DAB1: variants seen among roughly 807,000 people sequenced by gnomAD.
The protein encoded by DAB1 is disabled homolog 1.
A neutral mutation model predicts 64.6 loss-of-function variants in DAB1; 15 were observed. The observed-to-expected ratio is 0.23, with a 90% CI of 0.16 to 0.36. DAB1 has a LOEUF of 0.36. DAB1 is among the 10% of genes least tolerant of loss of function. DAB1 has a pLI of 1.00. For synonymous variants in DAB1, 235 were observed against 251.9 expected, an observed-to-expected ratio of 0.93 and a Z score of 0.64; for missense variants, 596 against 706.7, an observed-to-expected ratio of 0.84 and a Z score of 1.78.
chr1:57,787,649 TA>T (rs1650398694), intron 6 of DAB1, among the ~76,000 whole-genome samples: 1 of 151,974 alleles, frequency 6.6e-6, no homozygotes, highest in African/African-American at 2.4e-5. Flanking sequence ...AACTATAAAA[TA>T]AAAAAATTGA....
chr1:57,621,447 C>T (rs1008364736), intron 7 of DAB1, among the ~76,000 whole-genome samples: 21 of 151,774 alleles, frequency 1.4e-4, no homozygotes, highest in Non-Finnish European at 2.8e-4. Context: ...GGCTCTCCTA[C>T]CCTCTATCTT....
intron 6 of DAB1, among the ~76,000 whole-genome samples, chr1:57,769,127 G>A (rs1263838039): frequency 1.3e-5 from 2 of 152,088 alleles, no homozygotes; most frequent in African/African-American, 4.8e-5. Flanking sequence ...CCTGCTGCAT[G>A]GTACATGCTC....
At chr1:58,127,973 T>C (rs1211423307) in intron 5 of DAB1, among the ~76,000 whole-genome samples, 1 of 152,060 alleles carries the variant, frequency 6.6e-6, no homozygotes, top group Non-Finnish European at 1.5e-5. Flanking sequence ...AACTTTAAAG[T>C]AGTTTTTTCC....
Position 58,056,552 on chromosome 1 carries a change from C to T in DAB1, n.387+93959G>A, listed in dbSNP as rs1329426177. The T allele has an allele frequency of 4.8e-6, 4 of 825,548 alleles. No individual in the cohort carries two copies. The East Asian group carries it at 9.7e-5, about 20-fold the overall frequency. 51.1% of individuals were successfully genotyped at this position (825,548 alleles called of 1,614,324 possible). A position where few individuals can be genotyped will look rare whatever the true frequency, so the allele number is the denominator to read the frequency against. ...GGTTATGTCACCTTGCTCATCACAACCTAACTCCCCCATTTTCTGGCTCTC... is the reference window on the plus strand; with the variant it reads ...GGTTATGTCACCTTGCTCATCACAATCTAACTCCCCCATTTTCTGGCTCTC... On this transcript the variant is annotated intron_variant and non_coding_transcript_variant, in intron 5 of 20. Coordinates refer to the DAB1 transcript ENST00000485760.
At chr1:57,043,849 GA>G (rs11366894) in intron 9 of DAB1, among the ~76,000 whole-genome samples, 6,123 of 140,406 alleles carry the variant, frequency 0.044, 153 homozygotes, top group East Asian at 0.12. Flanking sequence ...TCCTACTCAA[GA>G]AAAAAAAAAA....
chr1:57,035,833 CTTTTTTTTTTTTT>C (rs35389635), intron 9 of DAB1, among the ~76,000 whole-genome samples: 12 of 61,916 alleles, frequency 1.9e-4, no homozygotes, highest in East Asian at 4.1e-4. Flanking sequence ...CGCACATGCA[CTTTTTTTTTTTTT>C]TTTTTTTTTT....
intron 1 of DAB1, among the ~76,000 whole-genome samples, chr1:57,842,870 AT>A (rs1283458414): frequency 5.3e-5 from 8 of 152,208 alleles, no homozygotes; most frequent in African/African-American, 1.9e-4. Flanking sequence ...TGCTCAGAAC[AT>A]TTATATTAGT....
At chr1:57,032,625 C>T (rs1028749165) in intron 9 of DAB1, among the ~76,000 whole-genome samples, 15 of 152,134 alleles carry the variant, frequency 9.9e-5, no homozygotes, top group Non-Finnish European at 2.1e-4. Flanking sequence ...AGATCATCTG[C>T]GGAAAAATTA....
chr1:57,614,789 T>A (rs778076806), intron 7 of DAB1, among the ~76,000 whole-genome samples: 43 of 152,220 alleles, frequency 2.8e-4, no homozygotes, highest in South Asian at 6.2e-4. Flanking sequence ...CTAATGTGAA[T>A]TTTGTTTCCA....
intron 5 of DAB1, among the ~76,000 whole-genome samples, chr1:58,085,353 A>T (rs1357191498): frequency 6.6e-6 from 1 of 152,122 alleles, no homozygotes; most frequent in Non-Finnish European, 1.5e-5. Context: ...CTTAATTCAA[A>T]ACATTATGTA....
chr1:57,245,453 C>A (rs1183040970), intron 2 of DAB1, among the ~76,000 whole-genome samples: 4 of 152,100 alleles, frequency 2.6e-5, no homozygotes, highest in Non-Finnish European at 4.4e-5. Flanking sequence ...CCTGAAAGGC[C>A]CCAGTATATG....
intron 3 of DAB1, among the ~76,000 whole-genome samples, chr1:58,397,273 A>G (rs1200907460): frequency 1.3e-5 from 2 of 152,168 alleles, no homozygotes; most frequent in Non-Finnish European, 2.9e-5. Flanking sequence ...CCTGACCTCA[A>G]AGCATATGGG....
chr1:57,555,866 C>G (rs1644982466), intron 7 of DAB1, among the ~76,000 whole-genome samples: 2 of 152,172 alleles, frequency 1.3e-5, no homozygotes, highest in Non-Finnish European at 1.5e-5. Flanking sequence ...CATTTCCCAG[C>G]TGAGAATCTT....
intron 4 of DAB1, among the ~76,000 whole-genome samples, chr1:58,266,426 G>A (rs1276821226): frequency 6.6e-6 from 1 of 152,128 alleles, no homozygotes; most frequent in Admixed American, 6.5e-5. Context: ...TAGAACAGAA[G>A]CACCCAGTCA....
chr1:57,250,457 A>G (rs1669250510), intron 2 of DAB1, among the ~76,000 whole-genome samples: 9 of 152,196 alleles, frequency 5.9e-5, no homozygotes, highest in Admixed American at 5.9e-4. Context: ...AACATATTAA[A>G]AGCTATAACA....
At chr1:57,153,136 G>A (rs1057276571) in intron 2 of DAB1, among the ~76,000 whole-genome samples, 6 of 151,876 alleles carry the variant, frequency 4.0e-5, no homozygotes, top group Non-Finnish European at 7.4e-5. Context: ...AGCGATTCTC[G>A]TGCCTCAGCC....
At position 56,996,580 on chromosome 1, in the gene DAB1, T is replaced by C. The variant is rs1645627917; in HGVS notation, c.*1564A>G. The stretch of plus-strand genomic sequence containing the variant: ...GGTGGGAGTGGGGAGGTGGGAGAGT[T>C]TCAGAATCTGAATTCTTCAGAATGT... On this transcript the variant is annotated 3_prime_UTR_variant, in exon 15 of 15. Transcript: ENST00000371236. The C allele has an allele frequency of 6.6e-6, 1 of 152,258 alleles. No individual in the cohort carries two copies. The highest frequency in any genetic ancestry group is 2.4e-5 in the African/African-American group (1 of 41,410). 9.4% of individuals were successfully genotyped at this position (152,258 alleles called of 1,614,324 possible).
chr1:58,096,404 T>G (rs1196149754), intron 5 of DAB1, among the ~76,000 whole-genome samples: 2 of 152,234 alleles, frequency 1.3e-5, no homozygotes, highest in Non-Finnish European at 2.9e-5. Flanking sequence ...CTTCTCTAGC[T>G]AATGAGGGTG....
upstream of DAB1, among the ~76,000 whole-genome samples, chr1:57,885,631 CT>C (rs1225836830): frequency 6.6e-6 from 1 of 152,228 alleles, no homozygotes; most frequent in Non-Finnish European, 1.5e-5. Flanking sequence ...TATGTTCTTA[CT>C]TTTTTTCCAC....
Sources: gnomAD v4.1 joint callset for allele counts (sites outside exome capture counted in the v4.1 genomes callset) on GRCh38, gnomAD v4.1.1 for gene constraint, MANE v1.5 for transcripts, NCBI Gene and HGNC (gene_info 2026-07-23, HGNC 2026-07-21) for gene names.